PLXDC2: variants seen among roughly 807,000 people sequenced by gnomAD.
The protein encoded by PLXDC2 is plexin domain containing 2.
A neutral mutation model predicts 68.9 loss-of-function variants in PLXDC2; 40 were observed. The ratio of observed to expected loss-of-function variants is 0.58; its 90% confidence interval spans 0.45 to 0.76. PLXDC2 has a LOEUF of 0.76. Ranked by LOEUF, PLXDC2 falls within the 30% of genes least tolerant of loss-of-function variation. The pLI is 0.00. For missense variants in PLXDC2, 644 were observed against 661.9 expected (o/e 0.97, Z 0.30); for synonymous variants, 243 against 234.2 (o/e 1.04, Z -0.34).
chr10:19,871,870 G>A (rs1341864077), intron 1 of PLXDC2, among the ~76,000 whole-genome samples: 3 of 128,774 alleles, frequency 2.3e-5, no homozygotes, highest in African/African-American at 8.9e-5. Flanking sequence ...TGGGCAACAA[G>A]AGTGAAACTG....
At chr10:20,236,877 T>C (rs1835439533) in intron 12 of PLXDC2, among the ~76,000 whole-genome samples, 1 of 152,134 alleles carries the variant, frequency 6.6e-6, no homozygotes, top group Non-Finnish European at 1.5e-5. Context: ...AGCCTATCAT[T>C]TGGTGATTGT....
rs556852336 is a variant in PLXDC2, at chr10:20,087,798, G to A, written c.541+19559G>A. ...CATTTAGTAGTAGCATTTCTGTTAC[G>A]GGACTGTGGTTTTCATGGCCCATTT... On this transcript the variant is annotated intron_variant, in intron 4 of 13. Coordinates refer to ENST00000377252, the MANE Select transcript of PLXDC2 (RefSeq NM_032812.9). 1.1e-4 allele frequency among the ~76,000 whole-genome samples: 16 copies of A among 152,224 alleles called. No homozygotes were observed. In the South Asian group the frequency reaches 1.5e-3, roughly 14 times the overall value.
chr10:19,911,962 T>C (rs1833279096), intron 1 of PLXDC2, among the ~76,000 whole-genome samples: 1 of 152,216 alleles, frequency 6.6e-6, no homozygotes, highest in Non-Finnish European at 1.5e-5. Context: ...TCTCAAAATA[T>C]TTCCCTGAAG....
intron 4 of PLXDC2, among the ~76,000 whole-genome samples, chr10:20,077,380 GT>G (rs1459691257): frequency 6.6e-6 from 1 of 152,112 alleles, no homozygotes; most frequent in Non-Finnish European, 1.5e-5. Context: ...TTGGTACAAT[GT>G]GAAAGTAGGT....
At chr10:20,209,731 A>G (rs1468995633) in intron 9 of PLXDC2, among the ~76,000 whole-genome samples, 1 of 152,054 alleles carries the variant, frequency 6.6e-6, no homozygotes, top group African/African-American at 2.4e-5. Context: ...ATGCTCTACA[A>G]TTTGTGCAGT....
intron 2 of PLXDC2, among the ~76,000 whole-genome samples, chr10:20,018,284 A>G (rs547720216): frequency 1.4e-4 from 22 of 151,904 alleles, no homozygotes; most frequent in Non-Finnish European, 2.5e-4. Flanking sequence ...ACTGCTGTCT[A>G]CCTGTTTTCC....
chr10:20,203,875 A>G (rs908232528), intron 9 of PLXDC2, among the ~76,000 whole-genome samples: 3 of 152,198 alleles, frequency 2.0e-5, no homozygotes, highest in Non-Finnish European at 4.4e-5. Context: ...TTCTGCAGAT[A>G]ACTATTCTTA....
chr10:20,052,423 A>C (rs911087101), intron 3 of PLXDC2, among the ~76,000 whole-genome samples: 4 of 151,810 alleles, frequency 2.6e-5, no homozygotes, highest in Non-Finnish European at 5.9e-5. Context: ...TATTAAGGTA[A>C]TATTGTGACC....
intron 13 of PLXDC2, among the ~76,000 whole-genome samples, chr10:20,267,036 ACT>A (rs947812936): frequency 4.6e-5 from 7 of 152,154 alleles, no homozygotes; most frequent in Admixed American, 1.3e-4. Flanking sequence ...GAGACATAAA[ACT>A]CTGTTTTCCC....
chr10:19,871,810 C>T (rs190857709), intron 1 of PLXDC2, among the ~76,000 whole-genome samples: 256 of 150,370 alleles, frequency 1.7e-3, no homozygotes, highest in Middle Eastern at 3.4e-3. Flanking sequence ...CACTTGAACC[C>T]GGGAGGCGGA....
intron 1 of PLXDC2, among the ~76,000 whole-genome samples, chr10:19,951,091 A>G (rs1395595236): frequency 6.6e-6 from 1 of 152,200 alleles, no homozygotes; most frequent in Non-Finnish European, 1.5e-5. Flanking sequence ...GCCTTGGGAA[A>G]GAATTTATGA....
chr10:19,948,473 C>A (rs1231032976), intron 1 of PLXDC2, among the ~76,000 whole-genome samples: 1 of 150,248 alleles, frequency 6.7e-6, no homozygotes, highest in East Asian at 2.0e-4. Context: ...TACTCTTACT[C>A]AGAGTAGAAT....
intron 4 of PLXDC2, among the ~76,000 whole-genome samples, chr10:20,087,452 A>C (rs1182900998): frequency 6.6e-6 from 1 of 152,262 alleles, no homozygotes; most frequent in Non-Finnish European, 1.5e-5. Flanking sequence ...CATCATTCTT[A>C]TTCCATTTGC....
intron 2 of PLXDC2, among the ~76,000 whole-genome samples, chr10:20,007,553 A>G (rs1316764666): frequency 1.3e-5 from 2 of 152,234 alleles, no homozygotes; most frequent in Non-Finnish European, 2.9e-5. Flanking sequence ...TGACTGAAGA[A>G]GGGAGGTTTT....
At position 20,285,120 on chromosome 10, in the gene PLXDC2, A is replaced by G. The variant is rs1209502550; in HGVS notation, c.*5301A>G. On this transcript the variant is annotated 3_prime_UTR_variant, in exon 14 of 14. Coordinates refer to ENST00000377252, the MANE Select transcript of PLXDC2 (RefSeq NM_032812.9). ...ATTTTCTGACCACATATATAATTGC[A>G]ATTTTTATTTGCTCTTCAAACTATT... The G allele has an allele frequency of 6.6e-6, 1 of 152,186 alleles. No homozygotes were observed. Among genetic ancestry groups the G allele is most frequent in the Non-Finnish European group, 1.5e-5 (1 of 68,034 alleles). The allele number at this position is 152,186 out of a possible 1,614,324, so 9.4% of individuals were successfully genotyped here.
intron 3 of PLXDC2, among the ~76,000 whole-genome samples, chr10:20,062,527 G>T (rs1010253063): frequency 6.6e-6 from 1 of 152,072 alleles, no homozygotes; most frequent in Non-Finnish European, 1.5e-5. Flanking sequence ...GTAATTTCAG[G>T]TCTCTGCAAC....
intron 2 of PLXDC2, among the ~76,000 whole-genome samples, chr10:20,005,879 G>A (rs567221838): frequency 2.2e-4 from 34 of 152,032 alleles, no homozygotes; most frequent in African/African-American, 5.6e-4. Context: ...AAAGTTTTAC[G>A]TATCCTGGCT....
At chr10:19,975,937 G>C (rs1564644980) in intron 1 of PLXDC2, among the ~76,000 whole-genome samples, 7 of 152,022 alleles carry the variant, frequency 4.6e-5, no homozygotes, top group Admixed American at 4.6e-4. Context: ...CTGGGAGGGG[G>C]AGATTGTAAT....
chr10:20,005,321 T>A (rs1835010009), intron 2 of PLXDC2, among the ~76,000 whole-genome samples: 2 of 152,302 alleles, frequency 1.3e-5, no homozygotes, highest in South Asian at 4.1e-4. Context: ...AGAACACTGC[T>A]TTTATTTCAA....
Sources: gnomAD v4.1 joint callset for allele counts (sites outside exome capture counted in the v4.1 genomes callset) on GRCh38, gnomAD v4.1.1 for gene constraint, MANE v1.5 for transcripts, NCBI Gene and HGNC (gene_info 2026-07-23, HGNC 2026-07-21) for gene names.